Variants in COL19A1 observed in about 807,000 individuals in gnomAD.
COL19A1 encodes the protein collagen type XIX alpha 1 chain, also known as collagen alpha-1(XIX) chain.
Under a neutral mutation model 190.2 loss-of-function variants are expected in COL19A1, and 159 were observed. That is an observed-to-expected ratio of 0.84 (90% confidence interval 0.73 to 0.95). The LOEUF (loss-of-function observed/expected upper bound fraction) is 0.95, where lower values mean the gene tolerates loss of function less well. Ranked by LOEUF, COL19A1 falls within the 40% of genes least tolerant of loss-of-function variation. COL19A1 has a pLI of 0.00. For synonymous variants in COL19A1, 509 were observed against 458.9 expected (o/e 1.11, Z -1.39); for missense variants, 1,418 against 1,431.9 (o/e 0.99, Z 0.16).
chr6:70,009,781 C>T (rs971310832), intron 11 of COL19A1, among the ~76,000 whole-genome samples: 2 of 152,000 alleles, frequency 1.3e-5, no homozygotes, highest in Non-Finnish European at 2.9e-5. Flanking sequence ...AATGTAAACC[C>T]ACATATATCT....
chr6:70,190,045 C>T (rs531649550), intron 47 of COL19A1, among the ~76,000 whole-genome samples: 1 of 152,250 alleles, frequency 6.6e-6, no homozygotes, highest in South Asian at 2.1e-4. Flanking sequence ...TGTATAAAGC[C>T]ATGTGTCTCC....
chr6:70,128,941 T>C (rs558285520), intron 17 of COL19A1, among the ~76,000 whole-genome samples: 3 of 152,198 alleles, frequency 2.0e-5, no homozygotes, highest in Non-Finnish European at 4.4e-5. Context: ...ATGATTACAT[T>C]TTAAAGGGAT....
At chr6:70,150,209 G>A (rs1009557984) in intron 30 of COL19A1, among the ~76,000 whole-genome samples, 164 bp downstream of exon 30, 1 of 152,064 alleles carries the variant, frequency 6.6e-6, no homozygotes, top group Non-Finnish European at 1.5e-5. Flanking sequence ...ATTCAGGCTG[G>A]ATCAGCATTT....
chr6:70,041,996 A>C (rs1270504617), intron 14 of COL19A1, among the ~76,000 whole-genome samples: 1 of 152,236 alleles, frequency 6.6e-6, no homozygotes, highest in Admixed American at 6.5e-5. Context: ...TAAACCCAGG[A>C]GGAGGTTGCA....
rs2296005 is a variant in COL19A1, at chr6:70,185,017, A to T, written c.2856+102A>T. ...GTGTGTAGACCCCTGCAAATCACCA[A>T]ATCTATAAAGGCTAGGGTGTAGGCG... On this transcript the variant is annotated intron_variant, in intron 46 of 50. Transcript: ENST00000620364. 0.35 allele frequency: 383,762 copies of T among 1,083,428 alleles called. 70,879 individuals are homozygous for T. Among genetic ancestry groups the T allele is most frequent in the Middle Eastern group, 0.44 (2,078 of 4,776 alleles). 67.1% of individuals were successfully genotyped at this position (1,083,428 alleles called of 1,614,324 possible). A position where few individuals can be genotyped will look rare whatever the true frequency, so the allele number is the denominator to read the frequency against.
intron 44 of COL19A1, among the ~76,000 whole-genome samples, chr6:70,181,009 T>C (rs540582042): frequency 6.6e-6 from 1 of 152,356 alleles, no homozygotes; most frequent in Admixed American, 6.5e-5. Flanking sequence ...GAGCTCTTGG[T>C]TACTGATCTG....
At chr6:70,185,921 C>A (rs1766483966) in intron 46 of COL19A1, among the ~76,000 whole-genome samples, 1 of 152,040 alleles carries the variant, frequency 6.6e-6, no homozygotes. Flanking sequence ...CTACCTTACC[C>A]CACTACACAG....
At position 70,156,137 on chromosome 6, in the gene COL19A1, G is replaced by A. The variant is rs1787417150; in HGVS notation, c.2090G>A (p.Gly697Asp). 6.2e-7 allele frequency: 1 copy of A among 1,612,686 alleles called. No homozygotes were observed. The highest frequency in any genetic ancestry group is 1.3e-5 in the African/African-American group (1 of 74,946). ...CTTTATACTCATTAGAATTTCTGTGGCAACTGCCAAGCCAGTGTCCCAGGG... is the reference window on the plus strand; with the variant it reads ...CTTTATACTCATTAGAATTTCTGTGACAACTGCCAAGCCAGTGTCCCAGGG... ...DIGALLKNFC[G>D]NCQASVPGLK... Residue 697 changes from glycine (G) to aspartate (D), a missense_variant, in exon 32 of 51, where the codon GGC becomes GAC. By Grantham distance (94) the Gly-to-Asp change is moderately conservative. Transcript: ENST00000620364.
rs151274730 is a variant in COL19A1 at position 69,942,053 on chromosome 6, C to T, written c.936+3953C>T. Reference sequence around the variant, plus strand: ...TTACTTAGATAATGTCGATTAGAAGCCATCCAGACACAATTATAACTTACT... The same window carrying T: ...TTACTTAGATAATGTCGATTAGAAGTCATCCAGACACAATTATAACTTACT... On this transcript the variant is annotated intron_variant, in intron 9 of 50. Transcript: ENST00000620364. Among the ~76,000 whole-genome samples the T allele has an allele frequency of 2.4e-4, 37 of 152,236 alleles. No individual in the cohort carries two copies. The East Asian group carries it at 6.8e-3, about 28-fold the overall frequency.
At chr6:69,924,905 C>T (rs377216576) in intron 4 of COL19A1, among the ~76,000 whole-genome samples, 1 of 152,054 alleles carries the variant, frequency 6.6e-6, no homozygotes, top group Non-Finnish European at 1.5e-5. Flanking sequence ...TGTCTGTTCA[C>T]ATCCTTTGCC....
Position 70,102,210 on chromosome 6 carries a change from C to T in COL19A1, c.1266C>T (p.Pro422=), listed in dbSNP as rs147836767. 8.1e-6 allele frequency: 13 copies of T among 1,612,028 alleles called. No homozygotes were observed. The highest frequency in any genetic ancestry group is 1.3e-5 in the African/African-American group (1 of 74,838). ...CAGGACCTCCCGGAAAACCAGGACC[C>T]CCAGGACCACCTGTGAGTAAACAAT... ...GKTGPPGKPG[P]PGPPGPPGIQ... Residue 422 remains proline (P), a synonymous_variant, in exon 16 of 51, where the codon CCC becomes CCT. Coordinates refer to ENST00000620364, the MANE Select transcript of COL19A1 (RefSeq NM_001858.6).
intron 41 of COL19A1, among the ~76,000 whole-genome samples, chr6:70,174,466 A>G (rs956961681): frequency 1.3e-5 from 2 of 152,122 alleles, no homozygotes; most frequent in Admixed American, 1.3e-4. Flanking sequence ...AGGCTGAGGC[A>G]GAAGAATCAC....
intron 4 of COL19A1, among the ~76,000 whole-genome samples, chr6:69,916,430 G>C (rs936583831): frequency 6.6e-6 from 1 of 152,144 alleles, no homozygotes; most frequent in South Asian, 2.1e-4. Flanking sequence ...AAATATTCCT[G>C]ATTTTTTTTC....
intron 49 of COL19A1, among the ~76,000 whole-genome samples, chr6:70,204,118 C>T (rs1462665454): frequency 6.6e-6 from 1 of 152,210 alleles, no homozygotes; most frequent in Non-Finnish European, 1.5e-5. Context: ...ATCTTGGCCT[C>T]CCAAAGTCCT....
intron 39 of COL19A1, 105 bp downstream of exon 39, chr6:70,168,320 A>G: frequency 2.6e-6 from 3 of 1,171,222 alleles, no homozygotes; most frequent in Non-Finnish European, 3.7e-6. Context: ...TGTTATGAAT[A>G]CAGCCAAATT....
intron 12 of COL19A1, among the ~76,000 whole-genome samples, chr6:70,031,407 A>G (rs763020456): frequency 2.0e-5 from 3 of 151,748 alleles, no homozygotes; most frequent in African/African-American, 4.8e-5. Context: ...TATTCCTTCT[A>G]CCTTACTGTA....
intron 11 of COL19A1, among the ~76,000 whole-genome samples, chr6:69,978,801 A>G (rs1019005563): frequency 6.6e-6 from 1 of 151,776 alleles, no homozygotes; most frequent in Admixed American, 6.6e-5. Flanking sequence ...ACCTGATTTA[A>G]TAAATGACTA....
chr6:70,141,320 T>C (rs1367523883), intron 20 of COL19A1, among the ~76,000 whole-genome samples: 1 of 152,048 alleles, frequency 6.6e-6, no homozygotes, highest in Non-Finnish European at 1.5e-5. Context: ...AAAGATACAT[T>C]TTTTTCCAAA....
chr6:70,020,439 G>T (rs1478457563), intron 11 of COL19A1, among the ~76,000 whole-genome samples: 1 of 151,582 alleles, frequency 6.6e-6, no homozygotes, highest in East Asian at 1.9e-4. Context: ...ATTTTCTTCT[G>T]GTCCTTTAAT....
Sources: gnomAD v4.1 joint callset for allele counts (sites outside exome capture counted in the v4.1 genomes callset) on GRCh38, gnomAD v4.1.1 for gene constraint, MANE v1.5 for transcripts, NCBI Gene and HGNC (gene_info 2026-07-23, HGNC 2026-07-21) for gene names.